The following ABCB5 variants were observed in gnomAD, a reference collection of about 807,000 sequenced individuals.
The protein encoded by ABCB5 is ATP binding cassette subfamily B member 5.
In ABCB5, 155 loss-of-function variants were observed where a neutral mutation model predicts 144.2. The observed-to-expected ratio is 1.08, with a 90% CI of 0.94 to 1.23. The LOEUF (loss-of-function observed/expected upper bound fraction) is 1.23, where lower values mean the gene tolerates loss of function less well. ABCB5 is among the 50% of genes most tolerant of loss of function. The pLI is 0.00. For missense variants in ABCB5, 1,830 were observed against 1,520.8 expected (o/e 1.20, Z -3.38); for synonymous variants, 610 against 528.6 (o/e 1.15, Z -2.11).
At chr7:20,730,491 A>G (rs1432804744) in intron 23 of ABCB5, among the ~76,000 whole-genome samples, 1 of 152,214 alleles carries the variant, frequency 6.6e-6, no homozygotes, top group African/African-American at 2.4e-5. Flanking sequence ...CCTGGATGAC[A>G]GAGTGAGACT....
chr7:20,659,162 T>C, intron 14 of ABCB5: 1 of 1,613,442 alleles, frequency 6.2e-7, no homozygotes, highest in Non-Finnish European at 8.5e-7. Context: ...CCCTCAAACC[T>C]CACCCTGACC....
intron 9 of ABCB5, among the ~76,000 whole-genome samples, chr7:20,647,020 A>C (rs72559422): frequency 9.9e-4 from 151 of 152,292 alleles, no homozygotes; most frequent in African/African-American, 3.5e-3. Flanking sequence ...TTCTTTTCTT[A>C]TTTGACTTTT....
intron 14 of ABCB5, among the ~76,000 whole-genome samples, chr7:20,669,135 C>G (rs1730540062): frequency 6.6e-6 from 1 of 150,802 alleles, no homozygotes; most frequent in Non-Finnish European, 1.5e-5. Flanking sequence ...GCCAGCTGCC[C>G]CATCCGGGAG....
intron 13 of ABCB5, among the ~76,000 whole-genome samples, chr7:20,652,848 G>A (rs1452181703): frequency 6.6e-6 from 1 of 152,158 alleles, no homozygotes; most frequent in Non-Finnish European, 1.5e-5. Flanking sequence ...CCATCCCAGA[G>A]GGTCACAATA....
chr7:20,647,507 A>T, intron 9 of ABCB5, 28 bp from the exon 10 acceptor site: 1 of 1,527,900 alleles, frequency 6.5e-7, no homozygotes, highest in Non-Finnish European at 8.8e-7. Flanking sequence ...CTGCAGAAAG[A>T]TAAATATCAC....
intron 13 of ABCB5, among the ~76,000 whole-genome samples, chr7:20,657,732 CTT>C (rs1293848835): frequency 6.6e-6 from 1 of 151,954 alleles, no homozygotes; most frequent in Non-Finnish European, 1.5e-5. Context: ...TACTCATAGA[CTT>C]ATATCCTTAA....
chr7:20,728,560 C>T (rs1782112356), intron 23 of ABCB5, 105 bp downstream of exon 23: 1 of 1,294,482 alleles, frequency 7.7e-7, no homozygotes, highest in Admixed American at 2.8e-5. Flanking sequence ...TTGAGATCAG[C>T]CTGACCAACA....
intron 9 of ABCB5, among the ~76,000 whole-genome samples, chr7:20,646,991 G>C (rs186396621): frequency 4.0e-4 from 61 of 152,340 alleles, no homozygotes; most frequent in Admixed American, 3.5e-3. Context: ...ATAGGAGTAA[G>C]AGCTCCTAGC....
chr7:20,665,614 C>T (rs1785150784), intron 14 of ABCB5, among the ~76,000 whole-genome samples: 1 of 151,906 alleles, frequency 6.6e-6, no homozygotes, highest in Admixed American at 6.6e-5. Context: ...CTCTCAAGGA[C>T]TGAGAGAGGT....
chr7:20,693,660 T>C (rs1199079007), intron 16 of ABCB5, among the ~76,000 whole-genome samples: 1 of 151,940 alleles, frequency 6.6e-6, no homozygotes, highest in Non-Finnish European at 1.5e-5. Context: ...CTCAAATTAA[T>C]ATACTAAGCT....
At chr7:20,640,654 A>G (rs1387956414) in intron 5 of ABCB5, among the ~76,000 whole-genome samples, 2 of 152,234 alleles carry the variant, frequency 1.3e-5, no homozygotes, top group Non-Finnish European at 2.9e-5. Context: ...AAGAAGGCAG[A>G]GTACGTGTGC....
intron 20 of ABCB5, among the ~76,000 whole-genome samples, chr7:20,707,210 A>T (rs750154751): frequency 6.6e-6 from 1 of 152,240 alleles, no homozygotes; most frequent in Non-Finnish European, 1.5e-5. Context: ...TGTTCATAAA[A>T]TAGCTCCTTA....
intron 16 of ABCB5, among the ~76,000 whole-genome samples, chr7:20,695,353 T>C (rs1212895490): frequency 6.6e-6 from 1 of 151,772 alleles, no homozygotes; most frequent in Non-Finnish European, 1.5e-5. Context: ...CTGGATCAAT[T>C]ATATATCTAT....
intron 14 of ABCB5, among the ~76,000 whole-genome samples, chr7:20,667,833 T>C (rs1365782844): frequency 6.7e-4 from 96 of 143,736 alleles, no homozygotes; most frequent in African/African-American, 2.2e-3. Flanking sequence ...CTGATTCTCC[T>C]GCCTCAGCCT....
intron 27 of ABCB5, among the ~76,000 whole-genome samples, chr7:20,754,605 A>G (rs1488433263): frequency 6.6e-6 from 1 of 152,220 alleles, no homozygotes. Flanking sequence ...CTGAAATGCT[A>G]TGTTAACAGG....
intron 14 of ABCB5, among the ~76,000 whole-genome samples, chr7:20,676,985 C>A (rs745765497): frequency 3.3e-5 from 5 of 152,068 alleles, no homozygotes; most frequent in Admixed American, 6.5e-5. Flanking sequence ...ACACTATAAT[C>A]TATATATACT....
chr7:20,674,777 C>A (rs944201092), intron 14 of ABCB5, among the ~76,000 whole-genome samples: 1 of 149,398 alleles, frequency 6.7e-6, no homozygotes, highest in Non-Finnish European at 1.5e-5. Context: ...CACACACACA[C>A]ACACACAAAC....
intron 20 of ABCB5, among the ~76,000 whole-genome samples, chr7:20,708,094 G>A (rs1024848309): frequency 1.3e-5 from 2 of 152,054 alleles, no homozygotes; most frequent in African/African-American, 4.8e-5. Context: ...GTGAGCCACC[G>A]CGCCCGGCGG....
intron 20 of ABCB5, among the ~76,000 whole-genome samples, chr7:20,711,213 A>T (rs187951550): frequency 1.3e-5 from 2 of 149,436 alleles, no homozygotes; most frequent in Non-Finnish European, 1.5e-5. Flanking sequence ...GTAAAGTCCT[A>T]TGTATTTACT....
Sources: gnomAD v4.1 joint callset for allele counts (sites outside exome capture counted in the v4.1 genomes callset) on GRCh38, gnomAD v4.1.1 for gene constraint, MANE v1.5 for transcripts, NCBI Gene and HGNC (gene_info 2026-07-23, HGNC 2026-07-21) for gene names.